Variants in NPAS3 observed in about 807,000 individuals in gnomAD.
NPAS3 encodes neuronal PAS domain protein 3, also known as neuronal PAS domain-containing protein 3.
A neutral mutation model predicts 73.1 loss-of-function variants in NPAS3; 14 were observed. The observed-to-expected ratio is 0.19, with a 90% CI of 0.13 to 0.30. The LOEUF (loss-of-function observed/expected upper bound fraction) is 0.30. Among genes scored for constraint, NPAS3 ranks in the 10% least tolerant of loss-of-function variants. The pLI, the probability that NPAS3 is intolerant of heterozygous loss-of-function variation, is 1.00. For missense variants in NPAS3, 1,096 were observed against 1,250.0 expected (o/e 0.88, Z 1.86); for synonymous variants, 620 against 541.5 (o/e 1.14, Z -2.01).
chr14:33,487,954 AT>A (rs1297970750), intron 4 of NPAS3, among the ~76,000 whole-genome samples: 1 of 152,152 alleles, frequency 6.6e-6, no homozygotes, highest in East Asian at 1.9e-4. Flanking sequence ...ACAAGTGTAT[AT>A]TTGTTGAATG....
intron 5 of NPAS3, among the ~76,000 whole-genome samples, chr14:33,575,950 G>A (rs1367410043): frequency 6.6e-6 from 1 of 152,116 alleles, no homozygotes; most frequent in African/African-American, 2.4e-5. Context: ...AGCTAAGAAA[G>A]AATAAATATA....
chr14:33,681,196 G>A (rs1309870408), intron 6 of NPAS3, among the ~76,000 whole-genome samples: 1 of 152,152 alleles, frequency 6.6e-6, no homozygotes, highest in African/African-American at 2.4e-5. Flanking sequence ...AAATTTATCT[G>A]AGGATCGGAT....
chr14:33,028,549 T>C (rs368213800), intron 1 of NPAS3, among the ~76,000 whole-genome samples: 4 of 152,320 alleles, frequency 2.6e-5, no homozygotes, highest in South Asian at 4.1e-4. Flanking sequence ...AATTTTGTCA[T>C]TTTGGGATAT....
At chr14:33,309,185 C>T (rs1268988188) in intron 3 of NPAS3, among the ~76,000 whole-genome samples, 1 of 152,090 alleles carries the variant, frequency 6.6e-6, no homozygotes, top group Non-Finnish European at 1.5e-5. Context: ...GTTTTTCCTC[C>T]TTTTCCTTTT....
intron 3 of NPAS3, among the ~76,000 whole-genome samples, chr14:33,330,790 T>C (rs61972733): frequency 0.15 from 23,406 of 152,140 alleles, 2,116 homozygotes; most frequent in African/African-American, 0.24. Flanking sequence ...AAAGAGTCTG[T>C]TTTTCTTGGA....
Position 33,092,696 on chromosome 14 carries a change from T to A in NPAS3, c.140+36702T>A, listed in dbSNP as rs187013206. ...AGCCAAAAGGACAAAGCTGGAGGCA[T>A]CACACTACCTGACTTCAAACTATGC... On this transcript the variant is annotated intron_variant, in intron 2 of 11. Coordinates refer to ENST00000356141, the Ensembl canonical transcript of NPAS3. 1.3e-4 allele frequency among the ~76,000 whole-genome samples: 20 copies of A among 152,312 alleles called. No homozygotes were observed. In the East Asian group the frequency reaches 3.7e-3, roughly 28 times the overall value.
intron 2 of NPAS3, among the ~76,000 whole-genome samples, chr14:33,199,828 G>T (rs2046545795): frequency 6.6e-6 from 1 of 150,828 alleles, no homozygotes; most frequent in East Asian, 2.0e-4. Flanking sequence ...TGGCTGTGTT[G>T]TTTACTATTT....
intron 1 of NPAS3, among the ~76,000 whole-genome samples, chr14:32,942,884 CTG>C (rs2036084786): frequency 6.6e-6 from 1 of 152,150 alleles, no homozygotes; most frequent in Admixed American, 6.5e-5. Context: ...AATGGAAAAA[CTG>C]AAATAATGAA....
chr14:32,955,244 A>C (rs910883580), intron 1 of NPAS3, among the ~76,000 whole-genome samples: 2 of 152,118 alleles, frequency 1.3e-5, no homozygotes, highest in Non-Finnish European at 2.9e-5. Context: ...TCTCAATAGG[A>C]TATAACAATA....
chr14:33,519,744 G>A (rs965717), intron 4 of NPAS3, among the ~76,000 whole-genome samples: 89,720 of 151,548 alleles, frequency 0.59, 26,834 homozygotes, highest in South Asian at 0.73. Flanking sequence ...TACAACACAC[G>A]TTCACATTCC....
intron 6 of NPAS3, among the ~76,000 whole-genome samples, chr14:33,713,789 A>T (rs1212291796): frequency 6.6e-6 from 1 of 152,216 alleles, no homozygotes; most frequent in Non-Finnish European, 1.5e-5. Context: ...TATTTAGAGT[A>T]AAATCCAAAG....
At chr14:33,747,717 G>A (rs1435315317) in intron 7 of NPAS3, among the ~76,000 whole-genome samples, 1 of 152,166 alleles carries the variant, frequency 6.6e-6, no homozygotes, top group Non-Finnish European at 1.5e-5. Context: ...GCTCATAGTT[G>A]GGCAATTGTC....
intron 7 of NPAS3, among the ~76,000 whole-genome samples, chr14:33,748,400 G>A (rs1040916578): frequency 1.2e-4 from 19 of 152,184 alleles, no homozygotes; most frequent in Non-Finnish European, 2.2e-4. Context: ...AAAAATCAAC[G>A]TGTATTTAAC....
At chr14:33,295,902 G>C (rs1418839258) in intron 3 of NPAS3, among the ~76,000 whole-genome samples, 2 of 152,212 alleles carry the variant, frequency 1.3e-5, no homozygotes, top group Non-Finnish European at 2.9e-5. Context: ...CTTTCAGCAA[G>C]TTAAGACTTT....
At chr14:33,416,545 A>G (rs2138973082) in intron 4 of NPAS3, among the ~76,000 whole-genome samples, 1 of 152,120 alleles carries the variant, frequency 6.6e-6, no homozygotes, top group Non-Finnish European at 1.5e-5. Context: ...ACATTAAAAC[A>G]TAGAATTAAA....
intron 3 of NPAS3, among the ~76,000 whole-genome samples, chr14:33,253,422 G>T (rs1229664129): frequency 2.6e-5 from 4 of 151,946 alleles, no homozygotes; most frequent in Non-Finnish European, 5.9e-5. Flanking sequence ...TTTTTATTTA[G>T]CACACGTCAG....
intron 3 of NPAS3, among the ~76,000 whole-genome samples, chr14:33,290,154 G>A (rs1176849621): frequency 1.3e-5 from 2 of 152,114 alleles, no homozygotes; most frequent in African/African-American, 4.8e-5. Context: ...AATTGCCTGG[G>A]TTCATGTTAC....
rs143360787 is a variant in NPAS3, at chr14:33,270,343, C to T, written c.385+54917C>T. Among the ~76,000 whole-genome samples, 909 of 152,186 alleles carry T rather than the reference C, an allele frequency of 6.0e-3. 6 individuals carry two copies. Among genetic ancestry groups the T allele is most frequent in the Middle Eastern group, 0.017 (5 of 294 alleles). On this transcript the variant is annotated intron_variant, in intron 3 of 11. Coordinates refer to ENST00000356141, the Ensembl canonical transcript of NPAS3. ...GGGTAGTAGAAAGGCACCCCAACAC[C>T]GTGTACCACAAAGGACTTCCACAAA... is the stretch of plus-strand genomic sequence containing the variant.
intron 1 of NPAS3, among the ~76,000 whole-genome samples, chr14:32,943,028 C>G (rs1348243235): frequency 6.6e-6 from 1 of 152,166 alleles, no homozygotes; most frequent in East Asian, 1.9e-4. Flanking sequence ...AAGACCCTCC[C>G]TCATTACAAC....
Sources: gnomAD v4.1 joint callset for allele counts (sites outside exome capture counted in the v4.1 genomes callset) on GRCh38, gnomAD v4.1.1 for gene constraint, MANE v1.5 for transcripts, NCBI Gene and HGNC (gene_info 2026-07-23, HGNC 2026-07-21) for gene names.